DOCK3: variants seen among roughly 807,000 people sequenced by gnomAD.
The protein encoded by DOCK3 is dedicator of cytokinesis protein 3.
DOCK3 carries 60 observed loss-of-function variants against 265.6 expected under a neutral mutation model. The ratio of observed to expected loss-of-function variants is 0.23; its 90% confidence interval spans 0.18 to 0.28. The LOEUF is 0.28. DOCK3 is among the 10% of genes least tolerant of loss of function. The pLI is 1.00. For missense variants in DOCK3, 1,981 were observed against 2,594.3 expected (o/e 0.76, Z 5.14); for synonymous variants, 881 against 938.0 (o/e 0.94, Z 1.11).
chr3:51,204,560 T>C (rs2089052298), intron 12 of DOCK3, among the ~76,000 whole-genome samples: 1 of 147,540 alleles, frequency 6.8e-6, no homozygotes, highest in African/African-American at 2.5e-5. Flanking sequence ...ACTTTTACAC[T>C]GTTGGTGGGA....
intron 5 of DOCK3, among the ~76,000 whole-genome samples, chr3:50,953,682 C>T (rs933791729): frequency 6.6e-6 from 1 of 151,948 alleles, no homozygotes; most frequent in African/African-American, 2.4e-5. Flanking sequence ...AATGTGTTAA[C>T]GTTCGTCTGA....
chr3:50,970,871 C>T (rs1287866233), intron 5 of DOCK3, among the ~76,000 whole-genome samples: 1 of 103,840 alleles, frequency 9.6e-6, no homozygotes, highest in Non-Finnish European at 1.8e-5. Context: ...CAGGCACATA[C>T]TACCACACTC....
intron 5 of DOCK3, among the ~76,000 whole-genome samples, chr3:50,943,025 AT>A (rs1297621727): frequency 6.6e-6 from 1 of 152,076 alleles, no homozygotes; most frequent in Non-Finnish European, 1.5e-5. Context: ...TATCAGTAAC[AT>A]TTAAGAAACA....
intron 23 of DOCK3, among the ~76,000 whole-genome samples, chr3:51,267,464 G>A (rs1223731563): frequency 4.0e-5 from 6 of 149,384 alleles, no homozygotes; most frequent in Admixed American, 3.4e-4. Flanking sequence ...AGCTCACTGC[G>A]ACCTCCACCT....
intron 1 of DOCK3, among the ~76,000 whole-genome samples, chr3:50,764,670 A>G (rs901784744): frequency 6.6e-6 from 1 of 152,208 alleles, no homozygotes; most frequent in South Asian, 2.1e-4. Context: ...GCAGCTCAGT[A>G]TGATGACACA....
rs190130500 is a variant in DOCK3 at position 51,270,493 on chromosome 3, A to G, written c.2356-322A>G. ...ACAAACAAAAATCTAAATCCATTTTATGAACAAAAACAACTGTGGATCTTA... is the reference window on the plus strand; with the variant it reads ...ACAAACAAAAATCTAAATCCATTTTGTGAACAAAAACAACTGTGGATCTTA... On this transcript the variant is annotated intron_variant, in intron 23 of 52. Transcript: ENST00000266037. 1.6e-4 allele frequency among the ~76,000 whole-genome samples: 25 copies of G among 152,340 alleles called. No individual in the cohort carries two copies. In the East Asian group the frequency reaches 4.8e-3, roughly 29 times the overall value.
At chr3:50,742,233 A>G (rs1407637636) in intron 1 of DOCK3, among the ~76,000 whole-genome samples, 1 of 152,148 alleles carries the variant, frequency 6.6e-6, no homozygotes, top group Non-Finnish European at 1.5e-5. Context: ...AGATAAAACC[A>G]CAAAGATGGG....
At chr3:50,978,851 G>T (rs372679451) in intron 5 of DOCK3, among the ~76,000 whole-genome samples, 2 of 152,216 alleles carry the variant, frequency 1.3e-5, no homozygotes. Flanking sequence ...CTTGTGGTGT[G>T]CCGTTTTTTA....
At position 51,082,682 on chromosome 3, in the gene DOCK3, G is replaced by A. The variant is rs76089552; in HGVS notation, c.550-6561G>A. Among the ~76,000 whole-genome samples the A allele has an allele frequency of 4.9e-3, 752 of 152,224 alleles. 44 individuals are homozygous for A. The East Asian group carries it at 0.12, about 25-fold the overall frequency. Reference sequence around the variant, plus strand: ...CCAATCTGCCCCATACACTGCCATGGGCACATAAGTGCATAGTCCAAGGAA... The same window carrying A: ...CCAATCTGCCCCATACACTGCCATGAGCACATAAGTGCATAGTCCAAGGAA... On this transcript the variant is annotated intron_variant, in intron 7 of 52. Transcript: ENST00000266037.
chr3:50,905,556 C>T (rs1163108187), intron 4 of DOCK3, among the ~76,000 whole-genome samples: 2 of 152,022 alleles, frequency 1.3e-5, no homozygotes, highest in African/African-American at 4.8e-5. Flanking sequence ...TGATTTGGCT[C>T]TCTGTTTGTC....
intron 33 of DOCK3, among the ~76,000 whole-genome samples, chr3:51,332,154 C>A (rs541441651): frequency 6.6e-6 from 1 of 152,322 alleles, no homozygotes; most frequent in East Asian, 1.9e-4. Flanking sequence ...CTGGGTCTGC[C>A]ACCCCAGGTG....
At chr3:51,236,195 T>C in intron 19 of DOCK3, 150 bp from the exon 20 acceptor site, 1 of 644,568 alleles carries the variant, frequency 1.6e-6, no homozygotes, top group Non-Finnish European at 2.7e-6. Context: ...GGGTGGAGGG[T>C]CAGGGTACTA....
chr3:51,132,146 A>G (rs1016892833), intron 9 of DOCK3, among the ~76,000 whole-genome samples: 10 of 152,122 alleles, frequency 6.6e-5, no homozygotes, highest in East Asian at 1.9e-4. Context: ...CAAATAAACT[A>G]TTAGAACCTT....
intron 4 of DOCK3, among the ~76,000 whole-genome samples, chr3:50,901,224 A>G (rs2049174883): frequency 6.6e-6 from 1 of 152,118 alleles, no homozygotes; most frequent in Admixed American, 6.5e-5. Flanking sequence ...TTGCTGAACT[A>G]CAGTGGGCTC....
intron 1 of DOCK3, among the ~76,000 whole-genome samples, chr3:50,701,806 A>AT (rs1027422503): frequency 2.6e-5 from 4 of 152,192 alleles, no homozygotes; most frequent in African/African-American, 9.6e-5. Flanking sequence ...TCTCAGCACC[A>AT]TTTATGGAAG....
chr3:51,172,331 A>G (rs2086724734), intron 12 of DOCK3, among the ~76,000 whole-genome samples: 1 of 152,076 alleles, frequency 6.6e-6, no homozygotes, highest in Non-Finnish European at 1.5e-5. Context: ...ATGGGCCACC[A>G]TGCCTGGCTA....
chr3:50,697,174 A>C (rs976595981), intron 1 of DOCK3, among the ~76,000 whole-genome samples: 6 of 151,366 alleles, frequency 4.0e-5, no homozygotes, highest in African/African-American at 1.2e-4. Flanking sequence ...CAAGTGATCC[A>C]CCCGCCTCAG....
intron 12 of DOCK3, among the ~76,000 whole-genome samples, chr3:51,207,001 T>A (rs9883739): frequency 0.91 from 138,719 of 152,136 alleles, 63,387 homozygotes; most frequent in African/African-American, 0.96. Context: ...TTTCTTGGCC[T>A]TGTAGATCAG....
chr3:51,184,098 T>G (rs776144020), intron 12 of DOCK3, among the ~76,000 whole-genome samples: 3 of 151,856 alleles, frequency 2.0e-5, no homozygotes, highest in Non-Finnish European at 2.9e-5. Flanking sequence ...TTACCTGAGG[T>G]CAGGAGTTCG....
Sources: allele counts gnomAD v4.1 joint callset (sites outside exome capture counted in the v4.1 genomes callset), GRCh38; gene constraint gnomAD v4.1.1; transcripts MANE v1.5; gene names NCBI Gene and HGNC (gene_info 2026-07-23, HGNC 2026-07-21).